MMP16: variants seen among roughly 807,000 people sequenced by gnomAD.
MMP16 encodes matrix metallopeptidase 16.
Under a neutral mutation model 67.8 loss-of-function variants are expected in MMP16, and 12 were observed. That is an observed-to-expected ratio of 0.18 (90% CI 0.11 to 0.29). The LOEUF is 0.29. Ranked by LOEUF, MMP16 falls within the 10% of genes least tolerant of loss-of-function variation. The pLI is 1.00. For synonymous variants in MMP16, 249 were observed against 255.9 expected (o/e 0.97, Z 0.26); for missense variants, 475 against 765.7 (o/e 0.62, Z 4.48).
chr8:88,218,518 G>T (rs1475897423), intron 1 of MMP16, among the ~76,000 whole-genome samples: 1 of 151,948 alleles, frequency 6.6e-6, no homozygotes, highest in African/African-American at 2.4e-5. Context: ...ACTATGCCAG[G>T]TGATAGATAT....
At chr8:88,153,517 G>C (rs1485107898) in intron 4 of MMP16, among the ~76,000 whole-genome samples, 1 of 152,060 alleles carries the variant, frequency 6.6e-6, no homozygotes, top group Admixed American at 6.6e-5. Context: ...CCAAAACAGA[G>C]ATATAGATCA....
chr8:88,320,442 C>T (rs1811441244), intron 1 of MMP16, among the ~76,000 whole-genome samples: 1 of 152,100 alleles, frequency 6.6e-6, no homozygotes, highest in Admixed American at 6.6e-5. Flanking sequence ...TAGTTTTTGA[C>T]CTATTACACA....
intron 4 of MMP16, among the ~76,000 whole-genome samples, chr8:88,134,645 T>C (rs1283877167): frequency 1.3e-5 from 2 of 151,662 alleles, no homozygotes; most frequent in Admixed American, 6.6e-5. Context: ...TCTCAACACA[T>C]TCCAATTAAT....
intron 2 of MMP16, among the ~76,000 whole-genome samples, chr8:88,189,515 C>T (rs1034634630): frequency 2.0e-5 from 3 of 152,182 alleles, no homozygotes; most frequent in Non-Finnish European, 2.9e-5. Context: ...ATCTCTCACT[C>T]TCAACACTTC....
chr8:88,264,031 C>CATATATATATATATATAT (rs1491101969), intron 1 of MMP16, among the ~76,000 whole-genome samples: 10 of 40,342 alleles, frequency 2.5e-4, no homozygotes, highest in African/African-American at 6.8e-4. Flanking sequence ...ACAAAAATGG[C>CATATATATATATATATAT]ACATATATAT....
intron 1 of MMP16, among the ~76,000 whole-genome samples, chr8:88,315,439 G>A (rs375661600): frequency 1.2e-4 from 18 of 152,290 alleles, no homozygotes; most frequent in African/African-American, 4.3e-4. Flanking sequence ...CATATTGTGA[G>A]ATATGCACTA....
At chr8:88,299,000 A>AT (rs995304457) in intron 1 of MMP16, among the ~76,000 whole-genome samples, 103 of 151,124 alleles carry the variant, frequency 6.8e-4, no homozygotes, top group African/African-American at 2.0e-3. Flanking sequence ...GTAAAAATCC[A>AT]TTTTTTTTTC....
intron 1 of MMP16, among the ~76,000 whole-genome samples, chr8:88,210,916 A>G (rs761314962): frequency 1.3e-5 from 2 of 152,132 alleles, no homozygotes; most frequent in Non-Finnish European, 2.9e-5. Context: ...TCCTTAACAC[A>G]TTAGCTCATA....
intron 1 of MMP16, among the ~76,000 whole-genome samples, chr8:88,310,742 G>A (rs1427314035): frequency 1.3e-5 from 2 of 152,092 alleles, no homozygotes; most frequent in Non-Finnish European, 2.9e-5. Flanking sequence ...CATTCAATTT[G>A]TTCTAATGTA....
chr8:88,197,413 G>A (rs1809274443), intron 1 of MMP16, 107 bp from the exon 2 acceptor site: 7 of 877,684 alleles, frequency 8.0e-6, no homozygotes, highest in Non-Finnish European at 9.5e-6. Flanking sequence ...TTCTCCACAA[G>A]GGCATACAGT....
At position 88,224,859 on chromosome 8, in the gene MMP16, G is replaced by C. The variant is rs547118764; in HGVS notation, c.133-27553C>G. Among the ~76,000 whole-genome samples, 6 of 152,102 alleles carry C rather than the reference G, an allele frequency of 3.9e-5. No homozygotes were observed. In the East Asian group the frequency reaches 1.2e-3, roughly 29 times the overall value. On this transcript the variant is annotated intron_variant, in intron 1 of 9. Coordinates refer to ENST00000286614, the MANE Select transcript of MMP16 (RefSeq NM_005941.5). ...ATCAACAATAGGATTAAAGTAGACA[G>C]TATTTCCCAGCCTTATTTGACCACA...
intron 6 of MMP16, among the ~76,000 whole-genome samples, chr8:88,116,178 C>G (rs925142250): frequency 1.3e-5 from 2 of 152,026 alleles, no homozygotes; most frequent in Non-Finnish European, 2.9e-5. Flanking sequence ...AGTGCCTAAG[C>G]TCCCAAGCAA....
At chr8:88,275,852 T>A (rs1426316270) in intron 1 of MMP16, among the ~76,000 whole-genome samples, 1 of 152,000 alleles carries the variant, frequency 6.6e-6, no homozygotes, top group Admixed American at 6.6e-5. Context: ...TAGCAGTGTT[T>A]AGCTTCTTCT....
chr8:88,100,054 TG>T (rs1230227177), intron 6 of MMP16, among the ~76,000 whole-genome samples: 1 of 151,954 alleles, frequency 6.6e-6, no homozygotes, highest in Non-Finnish European at 1.5e-5. Flanking sequence ...TTCACTCTGA[TG>T]GTAGTTTCTT....
chr8:88,294,425 C>T (rs967456037), intron 1 of MMP16, among the ~76,000 whole-genome samples: 4 of 148,990 alleles, frequency 2.7e-5, no homozygotes, highest in African/African-American at 7.6e-5. Flanking sequence ...CACATATATA[C>T]ACATATGTAT....
At chr8:88,050,863 A>G (rs1036713878) in intron 8 of MMP16, among the ~76,000 whole-genome samples, 8 of 152,158 alleles carry the variant, frequency 5.3e-5, no homozygotes, top group Admixed American at 6.5e-5. Flanking sequence ...GTGCACCTAT[A>G]TTATATGCCA....
At chr8:88,245,324 T>C (rs1810097193) in intron 1 of MMP16, among the ~76,000 whole-genome samples, 1 of 152,140 alleles carries the variant, frequency 6.6e-6, no homozygotes, top group African/African-American at 2.4e-5. Context: ...TTCTGAAAGG[T>C]ATAAGTATAT....
intron 1 of MMP16, among the ~76,000 whole-genome samples, chr8:88,303,089 G>A (rs1375964628): frequency 3.3e-5 from 5 of 152,206 alleles, no homozygotes; most frequent in Non-Finnish European, 2.9e-5. Context: ...TCACAGCAGA[G>A]CAGCTGCTCA....
At chr8:88,096,513 C>A (rs759613499) in intron 6 of MMP16, among the ~76,000 whole-genome samples, 1 of 121,084 alleles carries the variant, frequency 8.3e-6, no homozygotes, top group South Asian at 2.6e-4. Context: ...AGGATCACTG[C>A]CATTTTTTTT....
Sources: gnomAD v4.1 joint callset for allele counts (sites outside exome capture counted in the v4.1 genomes callset) on GRCh38, gnomAD v4.1.1 for gene constraint, MANE v1.5 for transcripts, NCBI Gene and HGNC (gene_info 2026-07-23, HGNC 2026-07-21) for gene names.